GPRC5A: variants seen among roughly 807,000 people sequenced by gnomAD.
GPRC5A encodes the protein G protein-coupled receptor class C group 5 member A.
In GPRC5A, 19 loss-of-function variants were observed where a neutral mutation model predicts 22.5. That is an observed-to-expected ratio of 0.85 (90% CI 0.59 to 1.24). The LOEUF (loss-of-function observed/expected upper bound fraction) is 1.24, where lower values mean the gene tolerates loss of function less well. Ranked by LOEUF, GPRC5A falls within the 50% of genes most tolerant of loss-of-function variation. The probability of loss-of-function intolerance (pLI) is 0.00; values close to 1 mark genes in which losing one functional copy is unlikely to be tolerated. For missense variants in GPRC5A, 471 were observed against 451.1 expected (o/e 1.04, Z -0.40); for synonymous variants, 192 against 184.5 (o/e 1.04, Z -0.33).
chr12:12,907,174 G>A lies in GPRC5A; in HGVS notation c.-7-1069G>A, dbSNP rs545564893. ...CTCAGAAGGGAATGCTCGGCCTTCT[G>A]TAGAAAAATCTGCTATTCAGAGACC... On this transcript the variant is annotated intron_variant, in intron 1 of 3. Transcript: ENST00000014914. Among the ~76,000 whole-genome samples the A allele has an allele frequency of 3.3e-5, 5 of 152,036 alleles. No individual in the cohort carries two copies. The South Asian group carries it at 1.0e-3, about 32-fold the overall frequency.
rs146219111 is a variant in GPRC5A at position 12,904,884 on chromosome 12, G to GT, written c.-7-3340dup. Among the ~76,000 whole-genome samples the GT allele has an allele frequency of 6.3e-3, 796 of 127,252 alleles. 5 individuals are homozygous for GT. Among genetic ancestry groups the GT allele is most frequent in the Non-Finnish European group, 8.0e-3 (488 of 60,940 alleles). 83.5% of individuals were successfully genotyped at this position (127,252 alleles called of 152,430 possible). ...TTCTAGTGGAAAAGAAAATTTTGTG[G>GT]TTTTTTTTTTTTTTTTTTTGAGATG... On this transcript the variant is annotated intron_variant, in intron 1 of 3. Coordinates refer to ENST00000014914, the MANE Select transcript of GPRC5A (RefSeq NM_003979.4).
At chr12:12,897,585 A>G (rs1863835897) in intron 1 of GPRC5A, among the ~76,000 whole-genome samples, 1 of 151,576 alleles carries the variant, frequency 6.6e-6, no homozygotes, top group African/African-American at 2.4e-5. Context: ...CTGCCGTGAC[A>G]GACAAAAAGG....
In GPRC5A at chr12:12,912,608, C is replaced by A. The variant is rs1323826565; in HGVS notation, c.*69C>A. 2.2e-6 allele frequency: 2 copies of A among 904,506 alleles called. No homozygotes were observed. Among genetic ancestry groups the A allele is most frequent in the Non-Finnish European group, 3.7e-6 (2 of 539,840 alleles). 56.0% of individuals were successfully genotyped at this position (904,506 alleles called of 1,614,324 possible). A position where few individuals can be genotyped will look rare whatever the true frequency, so the allele number is the denominator to read the frequency against. On this transcript the variant is annotated 3_prime_UTR_variant, in exon 4 of 4. Coordinates refer to ENST00000014914, the MANE Select transcript of GPRC5A (RefSeq NM_003979.4). Reference sequence around the variant, plus strand: ...TAGCGGGAGCTCAAAGGGATGTGGGCGAAATCTTGAGTCTTCTGAGAAAAC... The same window carrying A: ...TAGCGGGAGCTCAAAGGGATGTGGGAGAAATCTTGAGTCTTCTGAGAAAAC...
chr12:12,901,112 G>T (rs961381589), intron 1 of GPRC5A, among the ~76,000 whole-genome samples: 52 of 152,012 alleles, frequency 3.4e-4, no homozygotes, highest in Non-Finnish European at 7.2e-4. Flanking sequence ...AGAGGGTCTC[G>T]TCCTCATACT....
intron 3 of GPRC5A, 70 bp from the exon 4 acceptor site, chr12:12,912,377 C>T (rs1018970612): frequency 1.5e-5 from 16 of 1,046,952 alleles, no homozygotes; most frequent in Admixed American, 3.4e-5. Context: ...GAGACTTCTG[C>T]CCAGACTGGA....
chr12:12,911,940 GTC>G, intron 2 of GPRC5A, 142 bp from the exon 3 acceptor site: 1 of 633,532 alleles, frequency 1.6e-6, no homozygotes, highest in East Asian at 2.7e-5. Flanking sequence ...TGAGGACCTA[GTC>G]TCTGTCCCTC....
At chr12:12,896,915 C>T (rs78116027) in intron 1 of GPRC5A, among the ~76,000 whole-genome samples, 401 of 152,160 alleles carry the variant, frequency 2.6e-3, no homozygotes, top group African/African-American at 8.8e-3. Flanking sequence ...ATGAAGAGAT[C>T]GACACATTTA....
rs1011608577 is a variant in GPRC5A, at chr12:12,914,272, G to A, written c.*1733G>A. The A allele has an allele frequency of 6.5e-6, 1 of 153,116 alleles. No individual in the cohort carries two copies. Among genetic ancestry groups the A allele is most frequent in the African/African-American group, 2.4e-5 (1 of 41,460 alleles). The allele number at this position is 153,116 out of a possible 1,614,324, so 9.5% of individuals were successfully genotyped here. On this transcript the variant is annotated 3_prime_UTR_variant, in exon 4 of 4. Transcript: ENST00000014914. ...TGAGGCAGAGGCGAGGGAGGTGGAG[G>A]TGAGTGGATGATGTGCTGAGTTAGG...
rs766858332 is a variant in GPRC5A at position 12,908,656 on chromosome 12, G to T, written c.407G>T (p.Gly136Val). ...RKPLSLLVILGLAVGFSLVQD... is the reference protein window; with the variant it reads ...RKPLSLLVILVLAVGFSLVQD... ...CCCCTTTCCCTGTTGGTGATTCTGG[G>T]TCTGGCCGTGGGCTTCAGCCTAGTC... The change falls in exon 2 of 4, where the codon GGT becomes GTT. Residue 136 changes from glycine (G) to valine (V), a missense_variant. By Grantham distance (109) the Gly-to-Val change is moderately radical (BLOSUM62 -3). Transcript: ENST00000014914. 5.0e-6 allele frequency: 8 copies of T among 1,613,820 alleles called. No individual in the cohort carries two copies. In the Admixed American group the frequency reaches 8.3e-5, roughly 17 times the overall value.
chr12:12,912,600 G>A lies in GPRC5A; in HGVS notation c.*61G>A, dbSNP rs188054206. 5.6e-3 allele frequency: 5,365 copies of A among 956,218 alleles called. 31 individuals are homozygous for A. Among genetic ancestry groups the A allele is most frequent in the Non-Finnish European group, 7.4e-3 (4,344 of 584,128 alleles). The allele number at this position is 956,218 out of a possible 1,614,324, so 59.2% of individuals were successfully genotyped here. On this transcript the variant is annotated 3_prime_UTR_variant, in exon 4 of 4. Transcript: ENST00000014914. Reference sequence around the variant, plus strand: ...GGCAGATCTAGCGGGAGCTCAAAGGGATGTGGGCGAAATCTTGAGTCTTCT... The same window carrying A: ...GGCAGATCTAGCGGGAGCTCAAAGGAATGTGGGCGAAATCTTGAGTCTTCT...
In GPRC5A at chr12:12,912,563, A is replaced by T. The variant is rs564145806; in HGVS notation, c.*24A>T. 5 of 1,391,008 alleles carry T rather than the reference A, an allele frequency of 3.6e-6. No individual in the cohort carries two copies. In the South Asian group the frequency reaches 5.8e-5, roughly 16 times the overall value. 86.2% of individuals were successfully genotyped at this position (1,391,008 alleles called of 1,614,324 possible). A position where few individuals can be genotyped will look rare whatever the true frequency, so the allele number is the denominator to read the frequency against. ...AACTCTGTCCTGAAGAGTGGGACAAATGCAGCCGGGCGGCAGATCTAGCGG... is the reference window on the plus strand; with the variant it reads ...AACTCTGTCCTGAAGAGTGGGACAATTGCAGCCGGGCGGCAGATCTAGCGG... On this transcript the variant is annotated 3_prime_UTR_variant, in exon 4 of 4. Transcript: ENST00000014914.
intron 2 of GPRC5A, among the ~76,000 whole-genome samples, chr12:12,911,596 C>T (rs1040047585): frequency 9.9e-5 from 15 of 151,776 alleles, no homozygotes; most frequent in African/African-American, 3.6e-4. Flanking sequence ...TCACACCATT[C>T]TCCTGCCTCA....
chr12:12,914,561 T>TTTCTTTCTTTCTTTCTTTCC lies in GPRC5A; in HGVS notation c.*2041_*2042insCTTCTTTCTTTCTTTCTTTC. 1 of 64,114 alleles carries TTTCTTTCTTTCTTTCTTTCC rather than the reference T, an allele frequency of 1.6e-5. No homozygotes were observed. The highest frequency in any genetic ancestry group is 2.8e-5 in the Non-Finnish European group (1 of 36,130). The allele number at this position is 64,114 out of a possible 1,614,324, so 4.0% of individuals were successfully genotyped here. A position where few individuals can be genotyped will look rare whatever the true frequency, so the allele number is the denominator to read the frequency against. ...CCTTCCTTCCTTTCTTCTTTCTTTC[T>TTTCTTTCTTTCTTTCTTTCC]TTCTTTCTTTCTTTCTTTCTTTCTT... On this transcript the variant is annotated 3_prime_UTR_variant, in exon 4 of 4. Transcript: ENST00000014914.
chr12:12,912,966 C>T lies in GPRC5A; in HGVS notation c.*427C>T, dbSNP rs143950868. On this transcript the variant is annotated 3_prime_UTR_variant, in exon 4 of 4. Transcript: ENST00000014914. ...TCTCCCAAAGTGCTGGGATGACAGGCGTGAGCCACAGCTCCCAGCCTAGGC... is the reference window on the plus strand; with the variant it reads ...TCTCCCAAAGTGCTGGGATGACAGGTGTGAGCCACAGCTCCCAGCCTAGGC... 236 of 162,442 alleles carry T rather than the reference C, an allele frequency of 1.5e-3. 1 individual carries two copies. The highest frequency in any genetic ancestry group is 5.3e-3 in the African/African-American group (221 of 41,818). 10.1% of individuals were successfully genotyped at this position (162,442 alleles called of 1,614,324 possible).
rs1863970713 is a variant in GPRC5A, at chr12:12,908,715, A to G, written c.466A>G (p.Thr156Ala). Reference protein sequence around the residue: ...DVIAIEYIVLTMNRTNVNVFS... With the variant: ...DVIAIEYIVLAMNRTNVNVFS... Reference sequence around the variant, plus strand: ...TATCGCTATTGAATATATTGTCCTGACCATGAATAGGACCAACGTCAATGT... The same window carrying G: ...TATCGCTATTGAATATATTGTCCTGGCCATGAATAGGACCAACGTCAATGT... Residue 156 changes from threonine (T) to alanine (A), a missense_variant, in exon 2 of 4, where the codon ACC becomes GCC. Thr to Ala is a moderately conservative substitution (Grantham distance 58, BLOSUM62 0). Coordinates refer to ENST00000014914, the MANE Select transcript of GPRC5A (RefSeq NM_003979.4). 6.2e-7 allele frequency: 1 copy of G among 1,613,854 alleles called. No individual in the cohort carries two copies. The highest frequency in any genetic ancestry group is 1.3e-5 in the African/African-American group (1 of 74,918).
chr12:12,903,184 A>C (rs938395130), intron 1 of GPRC5A, among the ~76,000 whole-genome samples: 6 of 152,220 alleles, frequency 3.9e-5, no homozygotes, highest in Admixed American at 2.6e-4. Flanking sequence ...CAGACGAAGC[A>C]AAATTGGCCA....
Position 12,908,809 on chromosome 12 carries a change from T to G in GPRC5A, c.560T>G (p.Leu187Trp). ...FVLLLTYVLF[L>W]MALTFLMSSF... ...CTCCTGCTCACCTACGTCCTCTTCT[T>G]GATGGCGCTGACCTTCCTCATGTCC... is the stretch of plus-strand genomic sequence containing the variant. Residue 187 changes from leucine to tryptophan, a missense_variant, in exon 2 of 4, where the codon TTG becomes TGG. By Grantham distance (61) the Leu-to-Trp change is moderately conservative. Coordinates refer to ENST00000014914, the MANE Select transcript of GPRC5A (RefSeq NM_003979.4). 4 of 1,614,198 alleles carry G rather than the reference T, an allele frequency of 2.5e-6. No individual in the cohort carries two copies. The highest frequency in any genetic ancestry group is 3.4e-6 in the Non-Finnish European group (4 of 1,180,026).
chr12:12,904,872 G>T (rs1048795952), intron 1 of GPRC5A, among the ~76,000 whole-genome samples: 1 of 138,740 alleles, frequency 7.2e-6, no homozygotes, highest in East Asian at 2.3e-4. Flanking sequence ...TAGTGGAAAA[G>T]AAAATTTTGT....
At chr12:12,899,106 G>A (rs1188709032) in intron 1 of GPRC5A, among the ~76,000 whole-genome samples, 2 of 152,086 alleles carry the variant, frequency 1.3e-5, no homozygotes, top group African/African-American at 4.8e-5. Flanking sequence ...ATAGTTCACT[G>A]CAGCCTCGAG....
Sources: gnomAD v4.1 joint callset for allele counts (sites outside exome capture counted in the v4.1 genomes callset) on GRCh38, gnomAD v4.1.1 for gene constraint, MANE v1.5 for transcripts, NCBI Gene and HGNC (gene_info 2026-07-23, HGNC 2026-07-21) for gene names.